Variants in PTPRK observed in about 807,000 individuals in gnomAD.
PTPRK encodes receptor-type tyrosine-protein phosphatase kappa.
PTPRK carries 75 observed loss-of-function variants against 178.0 expected under a neutral mutation model. That is an observed-to-expected ratio of 0.42 (90% CI 0.35 to 0.51). The LOEUF (loss-of-function observed/expected upper bound fraction) is 0.51. Among genes scored for constraint, PTPRK ranks in the 20% least tolerant of loss-of-function variants. The pLI, the probability that PTPRK is intolerant of heterozygous loss-of-function variation, is 0.02. For missense variants in PTPRK, 1,441 were observed against 1,797.8 expected (o/e 0.80, Z 3.59); for synonymous variants, 637 against 620.6 (o/e 1.03, Z -0.39).
At chr6:128,273,648 G>T (rs1270028080) in intron 3 of PTPRK, among the ~76,000 whole-genome samples, 1 of 152,142 alleles carries the variant, frequency 6.6e-6, no homozygotes, top group African/African-American at 2.4e-5. Flanking sequence ...AGACGAAAAC[G>T]TGTAAGTGTC....
chr6:128,470,403 GT>G (rs36070444), intron 1 of PTPRK, among the ~76,000 whole-genome samples: 14 of 149,662 alleles, frequency 9.4e-5, no homozygotes, highest in East Asian at 3.9e-4. Flanking sequence ...CCTCTAATGC[GT>G]TTTTTTTTAA....
chr6:128,218,787 G>T, intron 6 of PTPRK, 135 bp downstream of exon 6: 5 of 838,178 alleles, frequency 6.0e-6, no homozygotes, highest in South Asian at 4.2e-5. Flanking sequence ...CTGAGAAATT[G>T]TATGATGATA....
chr6:128,102,152 A>G (rs1360682215), intron 7 of PTPRK, among the ~76,000 whole-genome samples: 1 of 152,240 alleles, frequency 6.6e-6, no homozygotes, highest in East Asian at 1.9e-4. Flanking sequence ...TATATAGCAG[A>G]TTTTAAAAAT....
At chr6:128,509,324 A>T (rs1856839219) in intron 1 of PTPRK, among the ~76,000 whole-genome samples, 1 of 152,182 alleles carries the variant, frequency 6.6e-6, no homozygotes. Context: ...ATGTGAAAAA[A>T]GTTGGGGGGA....
intron 8 of PTPRK, among the ~76,000 whole-genome samples, chr6:128,087,593 T>A (rs1391925569): frequency 6.6e-6 from 1 of 152,074 alleles, no homozygotes; most frequent in East Asian, 1.9e-4. Context: ...AGGATATTTG[T>A]GTGTTTATTA....
At chr6:128,350,318 TAA>T (rs1197636625) in intron 2 of PTPRK, among the ~76,000 whole-genome samples, 1 of 152,168 alleles carries the variant, frequency 6.6e-6, no homozygotes, top group Admixed American at 6.5e-5. Context: ...CAGTGTTTTG[TAA>T]GAAGCAATCA....
At chr6:127,999,243 C>T (rs964695495) in intron 15 of PTPRK, among the ~76,000 whole-genome samples, 1 of 151,908 alleles carries the variant, frequency 6.6e-6, no homozygotes, top group Admixed American at 6.6e-5. Context: ...ACCAGAGGAC[C>T]CAGCTGTCAA....
At chr6:128,196,931 T>C (rs1804955276) in intron 6 of PTPRK, among the ~76,000 whole-genome samples, 1 of 152,288 alleles carries the variant, frequency 6.6e-6, no homozygotes, top group East Asian at 1.9e-4. Flanking sequence ...AATATTTTCA[T>C]AGATATTGAA....
In PTPRK at chr6:128,455,667, G is replaced by A. The variant is rs1848298356; in HGVS notation, c.101-57979C>T. ...TCTCCTTCCCTCTTGTTTTAATAGG[G>A]ATACCAAAGGTCATACATTTGTAAT... is the stretch of plus-strand genomic sequence containing the variant. On this transcript the variant is annotated intron_variant, in intron 1 of 29. Transcript: ENST00000368226. 1.3e-5 allele frequency among the ~76,000 whole-genome samples: 2 copies of A among 152,032 alleles called. 1 individual carries two copies. The highest frequency in any genetic ancestry group is 4.1e-4 in the South Asian group (2 of 4,822).
At chr6:128,163,139 T>C (rs993090348) in intron 7 of PTPRK, among the ~76,000 whole-genome samples, 1 of 151,246 alleles carries the variant, frequency 6.6e-6, no homozygotes, top group South Asian at 2.1e-4. Context: ...TGGACTGGGA[T>C]GGGCTTAAAT....
chr6:128,478,547 G>A (rs888407639), intron 1 of PTPRK, among the ~76,000 whole-genome samples: 1 of 152,096 alleles, frequency 6.6e-6, no homozygotes, highest in African/African-American at 2.4e-5. Context: ...ATAGGCACAG[G>A]CCATTTTGGA....
intron 13 of PTPRK, among the ~76,000 whole-genome samples, chr6:128,017,984 T>C (rs1779807229): frequency 6.6e-6 from 1 of 151,034 alleles, no homozygotes; most frequent in Non-Finnish European, 1.5e-5. Context: ...AGTGGGATCA[T>C]GGGCTTTTAT....
intron 1 of PTPRK, among the ~76,000 whole-genome samples, chr6:128,460,496 AATC>A (rs886162464): frequency 5.3e-5 from 8 of 152,022 alleles, no homozygotes; most frequent in African/African-American, 1.9e-4. Flanking sequence ...GAGCAGCTGT[AATC>A]ATACCACTGT....
intron 3 of PTPRK, among the ~76,000 whole-genome samples, chr6:128,278,407 T>C (rs1003783690): frequency 1.3e-5 from 2 of 152,094 alleles, no homozygotes; most frequent in South Asian, 2.1e-4. Flanking sequence ...CTGCCCACCT[T>C]GGCCTCCCAA....
chr6:128,278,370 C>A (rs1738292), intron 3 of PTPRK, among the ~76,000 whole-genome samples: 90,386 of 151,818 alleles, frequency 0.6, 28,368 homozygotes, highest in East Asian at 0.94. Context: ...GTTTGCCAGA[C>A]TGGTCTTGAA....
chr6:128,269,409 G>A (rs960035451), intron 3 of PTPRK, among the ~76,000 whole-genome samples: 8 of 151,892 alleles, frequency 5.3e-5, no homozygotes, highest in African/African-American at 1.9e-4. Flanking sequence ...GTCTATGACA[G>A]AGATAGCTAC....
chr6:128,016,620 G>T (rs974208436), intron 13 of PTPRK, among the ~76,000 whole-genome samples: 3 of 151,764 alleles, frequency 2.0e-5, no homozygotes, highest in African/African-American at 4.8e-5. Flanking sequence ...TTTACTTATG[G>T]TATGAATAAC....
Position 128,049,107 on chromosome 6 carries a change from T to C in PTPRK, c.2194+15651A>G, listed in dbSNP as rs928321373. On this transcript the variant is annotated intron_variant, in intron 13 of 29. Coordinates refer to ENST00000368226, the MANE Select transcript of PTPRK (RefSeq NM_002844.4). ...AACCTCTTTCACCATAAATACTATG[T>C]TCAAATAAATTTACCTATATTAGAA... 2.5e-4 allele frequency among the ~76,000 whole-genome samples: 38 copies of C among 152,168 alleles called. 1 individual carries two copies. The highest frequency in any genetic ancestry group is 2.2e-3 in the Admixed American group (34 of 15,270).
At chr6:128,301,146 A>C (rs1825540481) in intron 3 of PTPRK, among the ~76,000 whole-genome samples, 1 of 152,212 alleles carries the variant, frequency 6.6e-6, no homozygotes, top group Admixed American at 6.5e-5. Context: ...AAACAAGTGA[A>C]TGTTTCCCCT....
Sources: allele counts gnomAD v4.1 joint callset (sites outside exome capture counted in the v4.1 genomes callset), GRCh38; gene constraint gnomAD v4.1.1; transcripts MANE v1.5; gene names NCBI Gene and HGNC (gene_info 2026-07-23, HGNC 2026-07-21).